Variants in RIMS2 observed in about 807,000 individuals in gnomAD.
RIMS2 encodes regulating synaptic membrane exocytosis protein 2.
RIMS2 carries 59 observed loss-of-function variants against 174.4 expected under a neutral mutation model. The observed-to-expected ratio is 0.34, with a 90% confidence interval of 0.27 to 0.42. The LOEUF is 0.42. RIMS2 is among the 10% of genes least tolerant of loss of function. RIMS2 has a pLI of 1.00. For synonymous variants in RIMS2, 606 were observed against 572.5 expected (o/e 1.06, Z -0.84); for missense variants, 1,620 against 1,666.3 (o/e 0.97, Z 0.48).
At chr8:103,928,710 C>T (rs933397367) in intron 11 of RIMS2, among the ~76,000 whole-genome samples, 14 of 150,958 alleles carry the variant, frequency 9.3e-5, no homozygotes, top group African/African-American at 3.2e-4. Context: ...TTTACCTATG[C>T]TGCTTAGGTC....
At position 103,873,840 on chromosome 8, in the gene RIMS2, A is replaced by T. The variant is rs539348466; in HGVS notation, c.699-11458A>T. Among the ~76,000 whole-genome samples, 5 of 152,244 alleles carry T rather than the reference A, an allele frequency of 3.3e-5. No homozygotes were observed. The East Asian group carries it at 9.7e-4, about 29-fold the overall frequency. On this transcript the variant is annotated intron_variant, in intron 3 of 23. Coordinates refer to ENST00000504942, the Ensembl canonical transcript of RIMS2. ...CACAATTTTCATAGAAACAGGGCTC[A>T]GAAGCATCATGACAGCTGATAAGAA...
intron 1 of RIMS2, 121 bp from the exon 4 acceptor site, chr8:103,696,965 C>T: frequency 1.8e-6 from 1 of 563,372 alleles, no homozygotes; most frequent in Non-Finnish European, 3.2e-6. Flanking sequence ...ATTAAATTTT[C>T]ATTCTTTTTA....
intron 19 of RIMS2, among the ~76,000 whole-genome samples, chr8:104,117,595 G>A (rs567700905): frequency 6.6e-6 from 1 of 151,918 alleles, no homozygotes; most frequent in Admixed American, 6.6e-5. Flanking sequence ...CCCTTCCTGG[G>A]CCTCCCAAAG....
intron 19 of RIMS2, among the ~76,000 whole-genome samples, chr8:104,173,505 G>T (rs1376782228): frequency 6.7e-6 from 1 of 149,820 alleles, no homozygotes; most frequent in Non-Finnish European, 1.5e-5. Flanking sequence ...TTTTACTATG[G>T]TTTTGATCAT....
At chr8:103,573,979 A>G (rs1443903989) in intron 1 of RIMS2, among the ~76,000 whole-genome samples, 3 of 151,824 alleles carry the variant, frequency 2.0e-5, no homozygotes, top group African/African-American at 2.4e-5. Flanking sequence ...TTAGATAACT[A>G]TTATTTTCAC....
chr8:104,204,969 G>A (rs1445722453), intron 19 of RIMS2, among the ~76,000 whole-genome samples: 12 of 152,186 alleles, frequency 7.9e-5, no homozygotes, highest in Admixed American at 6.5e-4. Context: ...TACTTTAGGA[G>A]CAGAAGTCTT....
intron 19 of RIMS2, among the ~76,000 whole-genome samples, chr8:104,043,362 G>A (rs2096641137): frequency 6.6e-6 from 1 of 151,528 alleles, no homozygotes; most frequent in African/African-American, 2.4e-5. Context: ...TGATGGCATT[G>A]GTTCTCTAAG....
At chr8:103,630,847 A>G (rs1337895644) in intron 1 of RIMS2, among the ~76,000 whole-genome samples, 3 of 152,202 alleles carry the variant, frequency 2.0e-5, no homozygotes, top group African/African-American at 4.8e-5. Context: ...AGCCCAAAAT[A>G]TCATTCTAAT....
chr8:104,165,624 C>T (rs2098792213), intron 19 of RIMS2, among the ~76,000 whole-genome samples: 1 of 151,666 alleles, frequency 6.6e-6, no homozygotes, highest in Non-Finnish European at 1.5e-5. Flanking sequence ...ATTGTTCCAT[C>T]AGTCTTTATC....
At chr8:104,004,231 A>T (rs567344797) in intron 17 of RIMS2, among the ~76,000 whole-genome samples, 1 of 152,346 alleles carries the variant, frequency 6.6e-6, no homozygotes, top group African/African-American at 2.4e-5. Flanking sequence ...GTAAGCAGTC[A>T]TAAAAAGTAA....
chr8:104,058,039 G>C (rs1486894609), intron 19 of RIMS2, among the ~76,000 whole-genome samples: 1 of 151,864 alleles, frequency 6.6e-6, no homozygotes, highest in Non-Finnish European at 1.5e-5. Flanking sequence ...ATGTGTGCAT[G>C]TGTCTTTATA....
intron 19 of RIMS2, among the ~76,000 whole-genome samples, chr8:104,141,386 A>G (rs1473605336): frequency 6.6e-6 from 1 of 152,230 alleles, no homozygotes; most frequent in Non-Finnish European, 1.5e-5. Flanking sequence ...TGTTCAGTTA[A>G]TAAAGGAATA....
intron 19 of RIMS2, among the ~76,000 whole-genome samples, chr8:104,088,661 T>C (rs2097579201): frequency 6.6e-6 from 1 of 152,042 alleles, no homozygotes; most frequent in Admixed American, 6.6e-5. Context: ...TTAAGGAAGT[T>C]CATAATCCTG....
intron 1 of RIMS2, among the ~76,000 whole-genome samples, chr8:103,581,364 G>T (rs1397297430): frequency 6.6e-6 from 1 of 151,950 alleles, no homozygotes. Context: ...AAAGAACCAG[G>T]AACAAAAACT....
chr8:103,831,433 C>T lies in RIMS2; in HGVS notation c.699-53865C>T, dbSNP rs182687789. Among the ~76,000 whole-genome samples, 22 of 152,228 alleles carry T rather than the reference C, an allele frequency of 1.4e-4. 1 individual carries two copies. The highest frequency in any genetic ancestry group is 1.2e-3 in the Admixed American group (19 of 15,294). ...GAGAAAAACCAGTCTCAGAGTGACT[C>T]GAGGTCAGTGGTCCTTTCTACTTGT... is the stretch of plus-strand genomic sequence containing the variant. On this transcript the variant is annotated intron_variant, in intron 3 of 23. Transcript: ENST00000504942.
At chr8:103,653,377 C>A (rs534006452) in intron 1 of RIMS2, among the ~76,000 whole-genome samples, 1 of 152,202 alleles carries the variant, frequency 6.6e-6, no homozygotes, top group South Asian at 2.1e-4. Flanking sequence ...TTTGTGCAAG[C>A]AATATTATTT....
In RIMS2 at chr8:103,899,340, A is replaced by G. The variant is rs951225568; in HGVS notation, c.1625-10794A>G. Among the ~76,000 whole-genome samples the G allele has an allele frequency of 1.1e-4, 16 of 151,864 alleles. 1 individual carries two copies. Among genetic ancestry groups the G allele is most frequent in the African/African-American group, 3.9e-4 (16 of 41,140 alleles). On this transcript the variant is annotated intron_variant, in intron 4 of 23. Coordinates refer to ENST00000504942, the Ensembl canonical transcript of RIMS2. ...TGAACTAGTTTACAGTCCTACCAACAGTGTAAAAGTGTCCCTATTTCTCCA... is the reference window on the plus strand; with the variant it reads ...TGAACTAGTTTACAGTCCTACCAACGGTGTAAAAGTGTCCCTATTTCTCCA...
rs555101545 is a variant in RIMS2, at chr8:103,794,190, A to T, written c.698+27653A>T. On this transcript the variant is annotated intron_variant, in intron 3 of 23. Transcript: ENST00000504942. ...CTACCTGACTTCAAACTATACTACA[A>T]GGCTATAGTAATCAAAACAGCATGA... Among the ~76,000 whole-genome samples the T allele has an allele frequency of 3.9e-5, 6 of 152,314 alleles. No individual in the cohort carries two copies. In the East Asian group the frequency reaches 1.2e-3, roughly 29 times the overall value.
At chr8:103,616,794 A>G (rs928825351) in intron 1 of RIMS2, among the ~76,000 whole-genome samples, 1 of 152,172 alleles carries the variant, frequency 6.6e-6, no homozygotes, top group African/African-American at 2.4e-5. Flanking sequence ...AAAATAAAAT[A>G]CCTAGGAATA....
Sources: allele counts gnomAD v4.1 joint callset (sites outside exome capture counted in the v4.1 genomes callset), GRCh38; gene constraint gnomAD v4.1.1; transcripts MANE v1.5; gene names NCBI Gene and HGNC (gene_info 2026-07-23, HGNC 2026-07-21).